The following LDB2 variants were observed in gnomAD, a reference collection of about 807,000 sequenced individuals.
LDB2 encodes LIM domain-binding protein 2.
Under a neutral mutation model 44.3 loss-of-function variants are expected in LDB2, and 12 were observed. The observed-to-expected ratio is 0.27, with a 90% CI of 0.17 to 0.44. The LOEUF is 0.44. Ranked by LOEUF, LDB2 falls within the 20% of genes least tolerant of loss-of-function variation. The pLI is 1.00. For synonymous variants in LDB2, 164 were observed against 174.8 expected, an observed-to-expected ratio of 0.94 and a Z score of 0.49; for missense variants, 344 against 473.5, an observed-to-expected ratio of 0.73 and a Z score of 2.54.
chr4:16,524,057 T>C (rs1408475548), intron 5 of LDB2, among the ~76,000 whole-genome samples: 1 of 152,160 alleles, frequency 6.6e-6, no homozygotes, highest in Non-Finnish European at 1.5e-5. Flanking sequence ...CTGATGTTTG[T>C]GGAAGGAATG....
At chr4:16,577,784 C>G (rs1199862877) in intron 5 of LDB2, among the ~76,000 whole-genome samples, 1 of 151,946 alleles carries the variant, frequency 6.6e-6, no homozygotes, top group African/African-American at 2.4e-5. Context: ...ACAAAAGGAG[C>G]AAAACAGGAG....
chr4:16,660,839 G>A (rs1294843917), intron 2 of LDB2, among the ~76,000 whole-genome samples: 1 of 152,134 alleles, frequency 6.6e-6, no homozygotes, highest in Non-Finnish European at 1.5e-5. Context: ...ATTGGTCAGT[G>A]TTAGGAAAAG....
At chr4:16,889,144 T>C (rs1722603772) in intron 1 of LDB2, 1 of 151,858 alleles carries the variant, frequency 6.6e-6, no homozygotes, top group Non-Finnish European at 1.5e-5. Flanking sequence ...CACAAAGTTA[T>C]TACAGACCAC....
intron 2 of LDB2, among the ~76,000 whole-genome samples, chr4:16,628,399 A>G (rs1290731021): frequency 6.6e-6 from 1 of 151,932 alleles, no homozygotes; most frequent in Non-Finnish European, 1.5e-5. Flanking sequence ...CCATCTATTC[A>G]GCTCCTACAG....
At chr4:16,592,490 A>ATG (rs1719421099) in intron 3 of LDB2, among the ~76,000 whole-genome samples, 2 of 142,714 alleles carry the variant, frequency 1.4e-5, no homozygotes, top group East Asian at 4.0e-4. Flanking sequence ...ATATATATAT[A>ATG]TATATATATA....
chr4:16,518,075 C>T (rs1018274119), intron 5 of LDB2, among the ~76,000 whole-genome samples: 1 of 152,226 alleles, frequency 6.6e-6, no homozygotes, highest in Non-Finnish European at 1.5e-5. Context: ...TTGCACAATG[C>T]ATATGTATGT....
At position 16,898,538 on chromosome 4, in the gene LDB2, A is replaced by G. The variant is rs1725970633; in HGVS notation, c.-53T>C. The G allele has an allele frequency of 2.5e-6, 4 of 1,596,830 alleles. No homozygotes were observed. The Admixed American group carries it at 6.7e-5, about 27-fold the overall frequency. On this transcript the variant is annotated 5_prime_UTR_variant, in exon 1 of 8. Transcript: ENST00000304523. ...AACAGAGTATCAGTAACGTCCATGC[A>G]GAGCACATGGGCTGTGTTCTTCCCA... is the stretch of plus-strand genomic sequence containing the variant.
intron 2 of LDB2, among the ~76,000 whole-genome samples, chr4:16,678,656 T>C (rs1229276184): frequency 6.6e-6 from 1 of 152,202 alleles, no homozygotes; most frequent in Non-Finnish European, 1.5e-5. Context: ...TTGGTTTTAT[T>C]CTCTCTTCTT....
At chr4:16,718,817 A>G (rs1324961154) in intron 2 of LDB2, among the ~76,000 whole-genome samples, 1 of 152,158 alleles carries the variant, frequency 6.6e-6, no homozygotes, top group African/African-American at 2.4e-5. Flanking sequence ...CCATGGAAAT[A>G]ATACTCACAG....
chr4:16,753,008 C>G (rs912390398), intron 2 of LDB2, among the ~76,000 whole-genome samples: 2 of 152,170 alleles, frequency 1.3e-5, no homozygotes, highest in African/African-American at 4.8e-5. Context: ...GCCAGAGGAA[C>G]CTGTGCCTTT....
intron 2 of LDB2, among the ~76,000 whole-genome samples, chr4:16,722,997 G>A (rs1052215998): frequency 1.3e-5 from 2 of 152,168 alleles, no homozygotes; most frequent in Non-Finnish European, 2.9e-5. Flanking sequence ...TAAATTGAAA[G>A]TGTATTTTTG....
At chr4:16,635,729 C>T (rs1442415276) in intron 2 of LDB2, among the ~76,000 whole-genome samples, 5 of 152,184 alleles carry the variant, frequency 3.3e-5, no homozygotes, top group Admixed American at 1.3e-4. Context: ...ACACCATCAC[C>T]TGACTCTTTT....
chr4:16,631,793 G>T (rs1005290063), intron 2 of LDB2, among the ~76,000 whole-genome samples: 3 of 152,190 alleles, frequency 2.0e-5, no homozygotes, highest in Admixed American at 2.0e-4. Flanking sequence ...TACCATCAGA[G>T]AATGCTACAA....
intron 2 of LDB2, among the ~76,000 whole-genome samples, chr4:16,687,641 T>C (rs988919581): frequency 1.6e-4 from 25 of 152,170 alleles, no homozygotes; most frequent in Non-Finnish European, 4.4e-5. Flanking sequence ...CTGGGAGATG[T>C]ACTTACCCAT....
intron 1 of LDB2, among the ~76,000 whole-genome samples, chr4:16,802,341 T>C (rs897870763): frequency 6.6e-6 from 1 of 152,186 alleles, no homozygotes; most frequent in Non-Finnish European, 1.5e-5. Context: ...CTCATATGAA[T>C]GAACAAAATC....
intron 2 of LDB2, among the ~76,000 whole-genome samples, chr4:16,665,049 C>T (rs1742661602): frequency 6.6e-6 from 1 of 152,182 alleles, no homozygotes; most frequent in Admixed American, 6.5e-5. Flanking sequence ...ATCATTTGCA[C>T]CTCACCTACC....
intron 2 of LDB2, among the ~76,000 whole-genome samples, chr4:16,739,614 ATATACATG>A (rs1561054496): frequency 3.1e-4 from 26 of 85,136 alleles, no homozygotes; most frequent in African/African-American, 3.9e-4. Flanking sequence ...ATATATGTAT[ATATACATG>A]TGTGTGTATA....
At chr4:16,568,378 T>C (rs1361617907) in intron 5 of LDB2, among the ~76,000 whole-genome samples, 2 of 152,200 alleles carry the variant, frequency 1.3e-5, no homozygotes, top group South Asian at 4.1e-4. Context: ...ACTCATTGAT[T>C]CCTGAAATAG....
chr4:16,810,104 G>A (rs752842937), intron 1 of LDB2, among the ~76,000 whole-genome samples: 3 of 152,124 alleles, frequency 2.0e-5, no homozygotes, highest in Non-Finnish European at 2.9e-5. Context: ...AGCCTTGCAG[G>A]TAATCAGCTC....
Sources: allele counts gnomAD v4.1 joint callset (sites outside exome capture counted in the v4.1 genomes callset), GRCh38; gene constraint gnomAD v4.1.1; transcripts MANE v1.5; gene names NCBI Gene and HGNC (gene_info 2026-07-23, HGNC 2026-07-21).